EPHA3: variants seen among roughly 807,000 people sequenced by gnomAD.
The protein encoded by EPHA3 is ephrin type-A receptor 3.
In EPHA3, 42 loss-of-function variants were observed where a neutral mutation model predicts 107.1. The ratio of observed to expected loss-of-function variants is 0.39; its 90% CI spans 0.31 to 0.51. The LOEUF (loss-of-function observed/expected upper bound fraction) is 0.51. Ranked by LOEUF, EPHA3 falls within the 20% of genes least tolerant of loss-of-function variation. The pLI is 0.78. For synonymous variants in EPHA3, 461 were observed against 424.8 expected, an observed-to-expected ratio of 1.09 and a Z score of -1.05; for missense variants, 1,183 against 1,211.2, an observed-to-expected ratio of 0.98 and a Z score of 0.35.
chr3:89,246,660 C>A (rs1384986050), intron 3 of EPHA3, among the ~76,000 whole-genome samples: 2 of 152,082 alleles, frequency 1.3e-5, no homozygotes, highest in Non-Finnish European at 1.5e-5. Flanking sequence ...CTACTCTGCC[C>A]TTTATATGAT....
intron 12 of EPHA3, 61 bp from the exon 13 acceptor site, chr3:89,431,089 T>C: frequency 6.5e-7 from 1 of 1,536,076 alleles, no homozygotes; most frequent in Non-Finnish European, 8.9e-7. Context: ...TTTTAACCAA[T>C]AAAGATATAT....
intron 2 of EPHA3, among the ~76,000 whole-genome samples, chr3:89,194,957 A>G (rs1431755196): frequency 1.3e-5 from 2 of 152,066 alleles, no homozygotes; most frequent in Non-Finnish European, 2.9e-5. Flanking sequence ...CACTTCTCTC[A>G]TCAGCTCATA....
intron 2 of EPHA3, among the ~76,000 whole-genome samples, chr3:89,134,393 G>A (rs575824402): frequency 9.9e-5 from 15 of 151,564 alleles, no homozygotes; most frequent in African/African-American, 3.4e-4. Flanking sequence ...ACAGGCCCTG[G>A]TGTGTGATGT....
At chr3:89,140,492 T>C (rs1288512908) in intron 2 of EPHA3, among the ~76,000 whole-genome samples, 1 of 151,764 alleles carries the variant, frequency 6.6e-6, no homozygotes, top group Non-Finnish European at 1.5e-5. Context: ...AATTGGATAA[T>C]ATAAATTAGA....
chr3:89,424,686 G>GA (rs1422805620), intron 11 of EPHA3, among the ~76,000 whole-genome samples: 2 of 150,864 alleles, frequency 1.3e-5, no homozygotes, highest in Non-Finnish European at 3.0e-5. Context: ...TTGGAAAGGA[G>GA]AAAAAAACAA....
chr3:89,132,978 G>C (rs963522102), intron 2 of EPHA3, among the ~76,000 whole-genome samples: 1 of 152,072 alleles, frequency 6.6e-6, no homozygotes, highest in Admixed American at 6.5e-5. Flanking sequence ...TATCACTTTA[G>C]AGCAAATGAG....
intron 2 of EPHA3, among the ~76,000 whole-genome samples, chr3:89,203,610 A>T (rs1435721388): frequency 6.7e-6 from 1 of 149,078 alleles, no homozygotes; most frequent in Non-Finnish European, 1.5e-5. Flanking sequence ...CGTCTCTACT[A>T]AAAAAAAATA....
At position 89,358,242 on chromosome 3, in the gene EPHA3, A is replaced by G. The variant is rs549241056; in HGVS notation, c.1306+16152A>G. Reference sequence around the variant, plus strand: ...ACATTGAGATATTGTGAAGTCAAGAAAAAAGCATATATAATACCTTGTGTG... The same window carrying G: ...ACATTGAGATATTGTGAAGTCAAGAGAAAAGCATATATAATACCTTGTGTG... On this transcript the variant is annotated intron_variant, in intron 5 of 16. Transcript: ENST00000336596. 1.9e-4 allele frequency among the ~76,000 whole-genome samples: 28 copies of G among 151,318 alleles called. No homozygotes were observed. In the East Asian group the frequency reaches 5.4e-3, roughly 29 times the overall value.
Position 89,202,515 on chromosome 3 carries a change from CAAA to C in EPHA3, c.154-7327_154-7325del, listed in dbSNP as rs375753577. 9.2e-3 allele frequency among the ~76,000 whole-genome samples: 1,073 copies of C among 116,544 alleles called. 1 individual carries two copies. Among genetic ancestry groups the C allele is most frequent in the South Asian group, 0.019 (69 of 3,612 alleles). 76.5% of individuals were successfully genotyped at this position (116,544 alleles called of 152,430 possible). A position where few individuals can be genotyped will look rare whatever the true frequency, so the allele number is the denominator to read the frequency against. On this transcript the variant is annotated intron_variant, in intron 2 of 16. Coordinates refer to ENST00000336596, the MANE Select transcript of EPHA3 (RefSeq NM_005233.6). ...TGGATGACTGAGCGAGACTCTGTCTCAAAAAAAAAAAAAAAAAAAATATATATA... is the reference window on the plus strand; with the variant it reads ...TGGATGACTGAGCGAGACTCTGTCTCAAAAAAAAAAAAAAAAATATATATA...
chr3:89,398,809 A>G (rs1708898480), intron 6 of EPHA3, among the ~76,000 whole-genome samples: 1 of 152,148 alleles, frequency 6.6e-6, no homozygotes. Flanking sequence ...AAATTGGGAA[A>G]TTCTGTAAAT....
intron 3 of EPHA3, among the ~76,000 whole-genome samples, chr3:89,263,880 C>CT (rs1263984178): frequency 6.6e-6 from 1 of 152,110 alleles, no homozygotes; most frequent in East Asian, 1.9e-4. Context: ...GCTCTGCCCT[C>CT]TGTCCCTATC....
intron 5 of EPHA3, among the ~76,000 whole-genome samples, chr3:89,381,296 A>G (rs1708502220): frequency 6.6e-6 from 1 of 151,916 alleles, no homozygotes; most frequent in Non-Finnish European, 1.5e-5. Context: ...AAACCTGTGT[A>G]TAAGTTAAAC....
intron 13 of EPHA3, among the ~76,000 whole-genome samples, chr3:89,434,501 A>G (rs1314774368): frequency 6.6e-6 from 1 of 152,214 alleles, no homozygotes; most frequent in Non-Finnish European, 1.5e-5. Flanking sequence ...TACAGGCGTG[A>G]GCCACTGTTA....
intron 3 of EPHA3, among the ~76,000 whole-genome samples, chr3:89,280,205 A>T (rs73135469): frequency 6.6e-6 from 1 of 152,202 alleles, no homozygotes; most frequent in African/African-American, 2.4e-5. Context: ...GCCATATTTC[A>T]TAATAACTTT....
chr3:89,373,343 C>T (rs1398227507), intron 5 of EPHA3, among the ~76,000 whole-genome samples: 2 of 151,748 alleles, frequency 1.3e-5, no homozygotes, highest in Non-Finnish European at 2.9e-5. Flanking sequence ...AGATAACAAC[C>T]TTTTAAATGT....
chr3:89,363,210 G>T (rs926819846), intron 5 of EPHA3, among the ~76,000 whole-genome samples: 5 of 150,662 alleles, frequency 3.3e-5, no homozygotes, highest in African/African-American at 9.7e-5. Context: ...AGATAGAGAG[G>T]GGGCAGGGAA....
In EPHA3 at chr3:89,111,920, A is replaced by G. The variant is rs1429742977; in HGVS notation, c.88+4084A>G. On this transcript the variant is annotated intron_variant, in intron 1 of 16. Coordinates refer to ENST00000336596, the MANE Select transcript of EPHA3 (RefSeq NM_005233.6). ...GATATTACATCTTCTAGTAATAACA[A>G]TAGATTTATCAATACAAAACAGTTT... Among the ~76,000 whole-genome samples the G allele has an allele frequency of 2.6e-5, 4 of 152,250 alleles. No individual in the cohort carries two copies. In the East Asian group the frequency reaches 7.7e-4, roughly 29 times the overall value.
At chr3:89,305,802 C>G (rs1202326670) in intron 3 of EPHA3, among the ~76,000 whole-genome samples, 1 of 152,136 alleles carries the variant, frequency 6.6e-6, no homozygotes. Context: ...TTTTATAATA[C>G]AGAGAATAAA....
At chr3:89,406,973 G>C (rs1709067567) in intron 7 of EPHA3, among the ~76,000 whole-genome samples, 1 of 152,082 alleles carries the variant, frequency 6.6e-6, no homozygotes, top group Admixed American at 6.6e-5. Flanking sequence ...TGAGGACAGA[G>C]AAACCCAGTA....
Sources: gnomAD v4.1 joint callset for allele counts (sites outside exome capture counted in the v4.1 genomes callset) on GRCh38, gnomAD v4.1.1 for gene constraint, MANE v1.5 for transcripts, NCBI Gene and HGNC (gene_info 2026-07-23, HGNC 2026-07-21) for gene names.